MYL1: variants seen among roughly 807,000 people sequenced by gnomAD.
The protein encoded by MYL1 is myosin light chain 1/3, skeletal muscle isoform.
MYL1 carries 16 observed loss-of-function variants against 21.8 expected under a neutral mutation model. That is an observed-to-expected ratio of 0.74 (90% confidence interval 0.50 to 1.12). The LOEUF (loss-of-function observed/expected upper bound fraction) is 1.12, where lower values mean the gene tolerates loss of function less well. MYL1 is among the 50% of genes most tolerant of loss of function. MYL1 has a pLI of 0.00. For synonymous variants in MYL1, 99 were observed against 85.2 expected (o/e 1.16, Z -0.89); for missense variants, 246 against 241.0 (o/e 1.02, Z -0.14).
chr2:210,306,000 C>T (rs940896503), intron 1 of MYL1, among the ~76,000 whole-genome samples: 7 of 151,504 alleles, frequency 4.6e-5, no homozygotes, highest in African/African-American at 7.3e-5. Flanking sequence ...GTGGACGTTG[C>T]GGTGAGCTGA....
intron 1 of MYL1, among the ~76,000 whole-genome samples, chr2:210,309,402 A>G (rs1454744553): frequency 6.6e-6 from 1 of 152,016 alleles, no homozygotes; most frequent in African/African-American, 2.4e-5. Context: ...AGTTGATAAG[A>G]TGTAGTTATA....
At chr2:210,300,287 A>G (rs1457431699) in intron 2 of MYL1, among the ~76,000 whole-genome samples, 5 of 152,170 alleles carry the variant, frequency 3.3e-5, no homozygotes, top group Non-Finnish European at 5.9e-5. Context: ...GAGACCAGAA[A>G]GACACTATTT....
At chr2:210,295,468 T>C (rs2125739344) in intron 3 of MYL1, among the ~76,000 whole-genome samples, 1 of 151,418 alleles carries the variant, frequency 6.6e-6, no homozygotes, top group South Asian at 2.1e-4. Flanking sequence ...ACCCCATCCC[T>C]ACAAAAAAAA....
rs541057808 is a variant in MYL1, at chr2:210,297,146, C to CT, written c.304+1273dup. 3.4e-3 allele frequency among the ~76,000 whole-genome samples: 520 copies of CT among 151,538 alleles called. 1 individual carries two copies. Among genetic ancestry groups the CT allele is most frequent in the African/African-American group, 0.011 (458 of 41,408 alleles). On this transcript the variant is annotated intron_variant, in intron 3 of 6. Coordinates refer to ENST00000352451, the MANE Select transcript of MYL1 (RefSeq NM_079420.3). ...GTTGCAGTAAGCATGAGAATACAGACTTTTTTTGACATGTTGATTTCCTTT... is the reference window on the plus strand; with the variant it reads ...GTTGCAGTAAGCATGAGAATACAGACTTTTTTTTGACATGTTGATTTCCTTT...
intron 2 of MYL1, among the ~76,000 whole-genome samples, chr2:210,301,200 A>G (rs543913789): frequency 1.3e-5 from 2 of 152,266 alleles, no homozygotes; most frequent in Non-Finnish European, 2.9e-5. Context: ...AAAATGCATT[A>G]AAAATCAAAC....
chr2:210,314,777 C>T (rs1690464964), intron 1 of MYL1, 134 bp downstream of exon 1: 15 of 1,005,254 alleles, frequency 1.5e-5, no homozygotes, highest in Non-Finnish European at 2.1e-5. Context: ...AAGCAGGATT[C>T]TCTTCTTCAT....
At chr2:210,305,458 A>C (rs746320722) in intron 1 of MYL1, among the ~76,000 whole-genome samples, 5 of 152,150 alleles carry the variant, frequency 3.3e-5, no homozygotes, top group Admixed American at 6.5e-5. Flanking sequence ...GGAATCTTAT[A>C]ATTTTTGACA....
At chr2:210,311,269 T>C (rs1320834997) in intron 1 of MYL1, among the ~76,000 whole-genome samples, 2 of 152,052 alleles carry the variant, frequency 1.3e-5, no homozygotes, top group African/African-American at 4.8e-5. Context: ...ATCCTATACC[T>C]GGGCCAAAAC....
In MYL1 at chr2:210,290,967, T is replaced by G. The variant is rs896659442; in HGVS notation, c.*14+65A>C. Reference sequence around the variant, plus strand: ...TAATCTATAGCATATAAACTGAAGCTGTCAAGTTTTAAAAAACACAATATC... The same window carrying G: ...TAATCTATAGCATATAAACTGAAGCGGTCAAGTTTTAAAAAACACAATATC... On this transcript the variant is annotated intron_variant, in intron 6 of 6. Transcript: ENST00000352451. 5.8e-6 allele frequency: 6 copies of G among 1,033,978 alleles called. No individual in the cohort carries two copies. In the Admixed American group the frequency reaches 1.3e-4, roughly 23 times the overall value. 64.1% of individuals were successfully genotyped at this position (1,033,978 alleles called of 1,614,324 possible). A position where few individuals can be genotyped will look rare whatever the true frequency, so the allele number is the denominator to read the frequency against.
chr2:210,302,391 T>A, intron 2 of MYL1, 97 bp downstream of exon 2: 1 of 1,119,926 alleles, frequency 8.9e-7, no homozygotes, highest in South Asian at 1.7e-5. Context: ...CCAGTGGGGA[T>A]AATTAGGAAG....
At chr2:210,303,467 C>T in intron 1 of MYL1, 3 of 1,449,746 alleles carry the variant, frequency 2.1e-6, no homozygotes, top group Admixed American at 3.8e-5. Flanking sequence ...TTTTGCCTAT[C>T]TTTCTTCTCA....
chr2:210,305,451 A>G (rs1216648676), intron 1 of MYL1, among the ~76,000 whole-genome samples: 1 of 152,136 alleles, frequency 6.6e-6, no homozygotes, highest in Non-Finnish European at 1.5e-5. Context: ...AAGATTTGGA[A>G]TCTTATAATT....
chr2:210,295,695 C>T (rs1311432722), intron 3 of MYL1, among the ~76,000 whole-genome samples: 3 of 151,096 alleles, frequency 2.0e-5, no homozygotes, highest in African/African-American at 7.3e-5. Context: ...GGTGTGGTGG[C>T]TCACGCCTAT....
At chr2:210,300,160 T>C (rs4673510) in intron 2 of MYL1, among the ~76,000 whole-genome samples, 27,404 of 152,142 alleles carry the variant, frequency 0.18, 3,160 homozygotes, top group Admixed American at 0.32. Context: ...CAGGCTTTCA[T>C]GGACAGACTG....
intron 1 of MYL1, among the ~76,000 whole-genome samples, chr2:210,307,724 T>C (rs2125743769): frequency 6.6e-6 from 1 of 152,282 alleles, no homozygotes; most frequent in East Asian, 1.9e-4. Context: ...CTACTAAAAA[T>C]TTTTTATTAC....
chr2:210,303,837 T>A (rs1311376867), intron 1 of MYL1, among the ~76,000 whole-genome samples: 1 of 152,080 alleles, frequency 6.6e-6, no homozygotes, highest in Non-Finnish European at 1.5e-5. Flanking sequence ...ACTTTTATGG[T>A]CTTTATTTCC....
At position 210,302,489 on chromosome 2, in the gene MYL1, A is replaced by G; in HGVS notation, c.159T>C (p.Asp53=). The G allele has an allele frequency of 6.2e-7, 1 of 1,608,984 alleles. No homozygotes were observed. Among genetic ancestry groups the G allele is most frequent in the Non-Finnish European group, 8.5e-7 (1 of 1,178,480 alleles). ...IKIEFSKEQQ[D]EFKEAFLLFD... ...AAGAACCATAGCTTTTAAACTTACC[A>G]TCCTGCTGTTCCTTAGAGAACTCGA... The change falls in exon 2 of 7, where the codon GAT becomes GAC. Residue 53 remains aspartate, a splice_region_variant and synonymous_variant. Transcript: ENST00000352451.
At chr2:210,312,716 A>C (rs1690433552) in intron 1 of MYL1, among the ~76,000 whole-genome samples, 1 of 151,646 alleles carries the variant, frequency 6.6e-6, no homozygotes, top group Non-Finnish European at 1.5e-5. Context: ...TTCTGGATGG[A>C]AGATAAAGGT....
chr2:210,296,441 T>C (rs1004558947), intron 3 of MYL1, among the ~76,000 whole-genome samples: 1 of 152,124 alleles, frequency 6.6e-6, no homozygotes, highest in Admixed American at 6.5e-5. Flanking sequence ...TCTTATTCCC[T>C]CCTCTCTTCG....
Sources: allele counts gnomAD v4.1 joint callset (sites outside exome capture counted in the v4.1 genomes callset), GRCh38; gene constraint gnomAD v4.1.1; transcripts MANE v1.5; gene names NCBI Gene and HGNC (gene_info 2026-07-23, HGNC 2026-07-21).